GABBR2: variants seen among roughly 807,000 people sequenced by gnomAD.
The protein encoded by GABBR2 is G-protein coupled receptor 51.
Under a neutral mutation model 105.6 loss-of-function variants are expected in GABBR2, and 23 were observed. The ratio of observed to expected loss-of-function variants is 0.22; its 90% CI spans 0.16 to 0.31. The LOEUF (loss-of-function observed/expected upper bound fraction) is 0.31, where lower values mean the gene tolerates loss of function less well. Among genes scored for constraint, GABBR2 ranks in the 10% least tolerant of loss-of-function variants. The probability of loss-of-function intolerance (pLI) is 1.00; values close to 1 mark genes in which losing one functional copy is unlikely to be tolerated. For missense variants in GABBR2, 734 were observed against 1,245.5 expected, an observed-to-expected ratio of 0.59 and a Z score of 6.18; for synonymous variants, 478 against 499.7, an observed-to-expected ratio of 0.96 and a Z score of 0.58.
At chr9:98,400,535 A>G (rs1160391144) in intron 8 of GABBR2, among the ~76,000 whole-genome samples, 1 of 152,180 alleles carries the variant, frequency 6.6e-6, no homozygotes, top group Non-Finnish European at 1.5e-5. Context: ...AACCTGTCCT[A>G]AGGAAATTCC....
intron 1 of GABBR2, among the ~76,000 whole-genome samples, chr9:98,630,066 C>T (rs1158112389): frequency 1.3e-5 from 2 of 152,112 alleles, no homozygotes; most frequent in Non-Finnish European, 2.9e-5. Flanking sequence ...CTCCAAATCC[C>T]ACCCTACCTA....
chr9:98,509,272 G>A (rs990979386), intron 3 of GABBR2, among the ~76,000 whole-genome samples: 5 of 152,042 alleles, frequency 3.3e-5, no homozygotes, highest in African/African-American at 1.2e-4. Flanking sequence ...CCATCTGTAC[G>A]TCACCATCAT....
intron 18 of GABBR2, among the ~76,000 whole-genome samples, chr9:98,292,148 T>C (rs1241776762): frequency 6.6e-6 from 1 of 152,236 alleles, no homozygotes; most frequent in East Asian, 1.9e-4. Flanking sequence ...CACACCGCAT[T>C]CCTTGAGAGA....
intron 13 of GABBR2, among the ~76,000 whole-genome samples, chr9:98,333,195 T>G (rs1831057825): frequency 6.6e-6 from 1 of 152,088 alleles, no homozygotes; most frequent in Non-Finnish European, 1.5e-5. Context: ...GCTCTCCAGG[T>G]GCTGGGTGTG....
intron 13 of GABBR2, among the ~76,000 whole-genome samples, chr9:98,321,168 T>C (rs1159711224): frequency 1.3e-5 from 2 of 152,044 alleles, no homozygotes; most frequent in African/African-American, 4.8e-5. Context: ...CAATATTTCC[T>C]GGATCTCAAT....
chr9:98,440,817 C>T (rs1424134079), intron 7 of GABBR2, among the ~76,000 whole-genome samples: 1 of 152,232 alleles, frequency 6.6e-6, no homozygotes, highest in Non-Finnish European at 1.5e-5. Context: ...TCAGGGCCCA[C>T]AGCCATGCCA....
chr9:98,413,024 G>T (rs1319391774), intron 7 of GABBR2, among the ~76,000 whole-genome samples: 1 of 152,190 alleles, frequency 6.6e-6, no homozygotes, highest in Admixed American at 6.5e-5. Flanking sequence ...AGGCTCCCAT[G>T]TATATATATT....
At chr9:98,467,807 C>G (rs1826591599) in intron 6 of GABBR2, among the ~76,000 whole-genome samples, 1 of 152,248 alleles carries the variant, frequency 6.6e-6, no homozygotes, top group South Asian at 2.1e-4. Context: ...ATGAACAGCT[C>G]ATCTGGGGCC....
chr9:98,460,502 C>A (rs1209531197), intron 6 of GABBR2, among the ~76,000 whole-genome samples: 1 of 151,726 alleles, frequency 6.6e-6, no homozygotes, highest in Non-Finnish European at 1.5e-5. Flanking sequence ...ATAAAAAATA[C>A]AACAATTGAA....
At chr9:98,325,150 T>C (rs1447148034) in intron 13 of GABBR2, among the ~76,000 whole-genome samples, 1 of 152,112 alleles carries the variant, frequency 6.6e-6, no homozygotes. Flanking sequence ...GCCCAGTTCA[T>C]TTATGGTTAG....
At chr9:98,361,375 G>A (rs1283509925) in intron 13 of GABBR2, among the ~76,000 whole-genome samples, 1 of 118,246 alleles carries the variant, frequency 8.5e-6, no homozygotes, top group East Asian at 2.1e-4. Flanking sequence ...CATCATCATC[G>A]CTCTTATCAT....
chr9:98,360,557 A>T (rs533873254), intron 13 of GABBR2, among the ~76,000 whole-genome samples: 1 of 152,294 alleles, frequency 6.6e-6, no homozygotes, highest in South Asian at 2.1e-4. Flanking sequence ...TTATCTACAC[A>T]GAAAGGCACT....
In GABBR2 at chr9:98,288,609, CT is replaced by C. The variant is rs1192706841; in HGVS notation, c.*1974del. ...TTCCCTTTGAAAAATTAATGTGGTCCTTTAAATTAAATTTGGTTTTGGTGAA... is the reference window on the plus strand; with the variant it reads ...TTCCCTTTGAAAAATTAATGTGGTCCTTAAATTAAATTTGGTTTTGGTGAA... On this transcript the variant is annotated 3_prime_UTR_variant, in exon 19 of 19. Transcript: ENST00000259455. 6.6e-6 allele frequency: 1 copy of C among 152,268 alleles called. No individual in the cohort carries two copies. Among genetic ancestry groups the C allele is most frequent in the Non-Finnish European group, 1.5e-5 (1 of 67,994 alleles). The allele number at this position is 152,268 out of a possible 1,614,324, so 9.4% of individuals were successfully genotyped here.
At chr9:98,450,236 A>C (rs1298996399) in intron 7 of GABBR2, among the ~76,000 whole-genome samples, 3 of 152,166 alleles carry the variant, frequency 2.0e-5, no homozygotes, top group Non-Finnish European at 2.9e-5. Context: ...TCCTTCAGCA[A>C]ATGGAAAATG....
At chr9:98,528,844 C>A (rs995836054) in intron 3 of GABBR2, among the ~76,000 whole-genome samples, 1 of 152,182 alleles carries the variant, frequency 6.6e-6, no homozygotes, top group Non-Finnish European at 1.5e-5. Context: ...TTGGCATGAT[C>A]TTTCTGGAGG....
intron 7 of GABBR2, among the ~76,000 whole-genome samples, chr9:98,425,052 C>G (rs1277579551): frequency 6.6e-6 from 1 of 151,896 alleles, no homozygotes; most frequent in Non-Finnish European, 1.5e-5. Flanking sequence ...AGAACAAAAG[C>G]ACACTGCTTA....
In GABBR2 at chr9:98,674,725, C is replaced by T. The variant is rs532841963; in HGVS notation, c.321+33692G>A. ...AGCATGGTGGGGCCAAACTGCCAGC[C>T]CTTAGCTGGGTCTCAGAGCTGAAGA... On this transcript the variant is annotated intron_variant, in intron 1 of 18. Coordinates refer to ENST00000259455, the MANE Select transcript of GABBR2 (RefSeq NM_005458.8). Among the ~76,000 whole-genome samples the T allele has an allele frequency of 3.8e-3, 583 of 152,202 alleles. 5 individuals are homozygous for T. The highest frequency in any genetic ancestry group is 0.013 in the African/African-American group (557 of 41,532).
chr9:98,577,866 T>C, intron 2 of GABBR2, 69 bp downstream of exon 2: 1 of 1,464,960 alleles, frequency 6.8e-7, no homozygotes, highest in Non-Finnish European at 9.3e-7. Context: ...GTACAAGGAA[T>C]AATTCCTGCA....
intron 1 of GABBR2, chr9:98,607,654 G>T (rs1829447667): frequency 2.7e-6 from 2 of 734,794 alleles, no homozygotes; most frequent in Admixed American, 4.1e-5. Flanking sequence ...TGAAAATGGT[G>T]AACACTGTGA....
Sources: allele counts gnomAD v4.1 joint callset (sites outside exome capture counted in the v4.1 genomes callset), GRCh38; gene constraint gnomAD v4.1.1; transcripts MANE v1.5; gene names NCBI Gene and HGNC (gene_info 2026-07-23, HGNC 2026-07-21).